DYM: variants seen among roughly 807,000 people sequenced by gnomAD.
DYM encodes dymeclin, also known as dyggve-Melchior-Clausen syndrome protein.
In DYM, 78 loss-of-function variants were observed where a neutral mutation model predicts 93.1. The observed-to-expected ratio is 0.84, with a 90% CI of 0.70 to 1.01. DYM has a LOEUF of 1.01. DYM is among the 50% of genes least tolerant of loss of function. The probability of loss-of-function intolerance (pLI) is 0.00; values close to 1 mark genes in which losing one functional copy is unlikely to be tolerated. For missense variants in DYM, 789 were observed against 845.0 expected, an observed-to-expected ratio of 0.93 and a Z score of 0.82; for synonymous variants, 321 against 319.7, an observed-to-expected ratio of 1.00 and a Z score of -0.04.
intron 10 of DYM, among the ~76,000 whole-genome samples, chr18:49,280,867 A>T (rs1235675926): frequency 6.6e-6 from 1 of 152,250 alleles, no homozygotes; most frequent in African/African-American, 2.4e-5. Context: ...AAACCTAGGC[A>T]ATACCATTCA....
intron 14 of DYM, among the ~76,000 whole-genome samples, chr18:49,196,451 ACAC>A (rs2091458791): frequency 1.3e-5 from 2 of 151,980 alleles, no homozygotes; most frequent in Non-Finnish European, 2.9e-5. Flanking sequence ...ACACACACAC[ACAC>A]ACACACACAC....
At chr18:49,369,805 G>A (rs2066835999) in intron 5 of DYM, among the ~76,000 whole-genome samples, 2 of 152,090 alleles carry the variant, frequency 1.3e-5, no homozygotes, top group African/African-American at 4.8e-5. Context: ...CCAGGCTTCC[G>A]CTTGGCTTTG....
In DYM at chr18:49,218,763, G is replaced by C. The variant is rs1012152328; in HGVS notation, c.1461-9048C>G. On this transcript the variant is annotated intron_variant, in intron 13 of 17. Transcript: ENST00000675505. ...TGGGACACATTCAAAGCAGTGTGTA[G>C]AGGGAAATTTATAGCACTAAATGCC... Among the ~76,000 whole-genome samples, 92 of 152,190 alleles carry C rather than the reference G, an allele frequency of 6.0e-4. 3 individuals carry two copies. Among genetic ancestry groups the C allele is most frequent in the Admixed American group, 5.9e-3 (90 of 15,280 alleles).
In DYM at chr18:49,155,788, C is replaced by T. The variant is rs553899009; in HGVS notation, c.1728+7897G>A. ...CATGGTATCTCACATGGTATGGATA[C>T]ACCACATTTTATTTATTCATTTGTC... On this transcript the variant is annotated intron_variant, in intron 15 of 17. Transcript: ENST00000675505. Among the ~76,000 whole-genome samples, 12 of 152,334 alleles carry T rather than the reference C, an allele frequency of 7.9e-5. No homozygotes were observed. The East Asian group carries it at 2.1e-3, about 27-fold the overall frequency.
intron 16 of DYM, among the ~76,000 whole-genome samples, chr18:49,101,814 G>T (rs2080175004): frequency 6.6e-6 from 1 of 152,168 alleles, no homozygotes; most frequent in South Asian, 2.1e-4. Flanking sequence ...GAAATAAATA[G>T]ATGATACCAT....
chr18:49,209,323 CTG>C (rs1568607737), intron 14 of DYM, among the ~76,000 whole-genome samples: 1 of 152,168 alleles, frequency 6.6e-6, no homozygotes, highest in African/African-American at 2.4e-5. Context: ...ATAGACAACT[CTG>C]TGGTTGAAAG....
At chr18:49,297,953 T>C (rs1455180403) in intron 8 of DYM, among the ~76,000 whole-genome samples, 2 of 152,160 alleles carry the variant, frequency 1.3e-5, no homozygotes, top group African/African-American at 2.4e-5. Context: ...TAAAAATGCA[T>C]GTAAAACAGT....
intron 2 of DYM, among the ~76,000 whole-genome samples, chr18:49,412,616 G>C (rs1433576439): frequency 6.6e-6 from 1 of 152,104 alleles, no homozygotes. Context: ...CAAAGAAAAA[G>C]TTAAAACAGA....
chr18:49,059,586 T>G (rs1358634514), intron 17 of DYM, among the ~76,000 whole-genome samples: 2 of 152,202 alleles, frequency 1.3e-5, no homozygotes, highest in African/African-American at 4.8e-5. Context: ...TTTTCCTGGC[T>G]GTTCCGGAAG....
chr18:49,110,830 T>C (rs906397681), intron 16 of DYM, among the ~76,000 whole-genome samples: 2 of 152,204 alleles, frequency 1.3e-5, no homozygotes, highest in African/African-American at 2.4e-5. Context: ...ACTCCAATTA[T>C]ATGTATATTG....
At chr18:49,107,081 A>G (rs2080894479) in intron 16 of DYM, among the ~76,000 whole-genome samples, 1 of 152,056 alleles carries the variant, frequency 6.6e-6, no homozygotes, top group South Asian at 2.1e-4. Context: ...ATAGTCCCAT[A>G]TTTCTTGGAG....
intron 6 of DYM, among the ~76,000 whole-genome samples, chr18:49,349,289 C>T (rs1355467860): frequency 6.6e-6 from 1 of 151,784 alleles, no homozygotes; most frequent in Non-Finnish European, 1.5e-5. Flanking sequence ...ACTGTATATG[C>T]AAAAAATGCA....
At chr18:49,273,947 T>G (rs1454043880) in intron 10 of DYM, among the ~76,000 whole-genome samples, 1 of 151,376 alleles carries the variant, frequency 6.6e-6, no homozygotes, top group African/African-American at 2.4e-5. Flanking sequence ...AATGTAAGAG[T>G]AAGTAACGGG....
intron 13 of DYM, among the ~76,000 whole-genome samples, chr18:49,243,929 A>G (rs1176642487): frequency 6.6e-6 from 1 of 152,170 alleles, no homozygotes; most frequent in Non-Finnish European, 1.5e-5. Flanking sequence ...TTTATTCAGT[A>G]AAGAATAGAC....
chr18:49,316,143 G>C (rs192751850), intron 8 of DYM, among the ~76,000 whole-genome samples: 2 of 152,166 alleles, frequency 1.3e-5, no homozygotes, highest in Admixed American at 6.6e-5. Flanking sequence ...TTAGCCGGGC[G>C]TGGCGGCGCA....
In DYM at chr18:49,453,461, C is replaced by T. The variant is rs376018190; in HGVS notation, c.-54+6937G>A. ...TAACACTCACTGCGAAGGTCTGCAG[C>T]TTCACTCCTGAAGCCAGCGAGAGCA... On this transcript the variant is annotated intron_variant, in intron 1 of 17. Coordinates refer to ENST00000675505, the MANE Select transcript of DYM (RefSeq NM_001353214.3). Among the ~76,000 whole-genome samples, 18 of 152,296 alleles carry T rather than the reference C, an allele frequency of 1.2e-4. No individual in the cohort carries two copies. The East Asian group carries it at 1.5e-3, about 13-fold the overall frequency.
intron 17 of DYM, among the ~76,000 whole-genome samples, chr18:49,062,049 T>C (rs1016939306): frequency 7.9e-5 from 12 of 152,156 alleles, no homozygotes; most frequent in African/African-American, 2.9e-4. Context: ...ATGTTCAGTT[T>C]AGCAGTAGCT....
chr18:49,383,367 A>G (rs995424398), intron 3 of DYM, among the ~76,000 whole-genome samples: 7 of 152,194 alleles, frequency 4.6e-5, no homozygotes, highest in Non-Finnish European at 1.0e-4. Flanking sequence ...AGAGGTAGAA[A>G]GACACTGATA....
At chr18:49,050,080 C>CTTTTT (rs555098372) in intron 17 of DYM, among the ~76,000 whole-genome samples, 2 of 106,934 alleles carry the variant, frequency 1.9e-5, no homozygotes, top group Non-Finnish European at 3.7e-5. Flanking sequence ...AGGTAACTTC[C>CTTTTT]TTTTTTTTTT....
Sources: allele counts gnomAD v4.1 joint callset (sites outside exome capture counted in the v4.1 genomes callset), GRCh38; gene constraint gnomAD v4.1.1; transcripts MANE v1.5; gene names NCBI Gene and HGNC (gene_info 2026-07-23, HGNC 2026-07-21).